Variants in SLC35F4 observed in about 807,000 individuals in gnomAD.
SLC35F4 encodes the protein chromosome 14 open reading frame 36.
In SLC35F4, 24 loss-of-function variants were observed where a neutral mutation model predicts 44.2. That is an observed-to-expected ratio of 0.54 (90% confidence interval 0.39 to 0.76). SLC35F4 has a LOEUF of 0.76. SLC35F4 is among the 30% of genes least tolerant of loss of function. The probability of loss-of-function intolerance (pLI) is 0.00; values close to 1 mark genes in which losing one functional copy is unlikely to be tolerated. For synonymous variants in SLC35F4, 238 were observed against 223.6 expected (o/e 1.06, Z -0.57); for missense variants, 562 against 586.1 (o/e 0.96, Z 0.42).
intron 1 of SLC35F4, among the ~76,000 whole-genome samples, chr14:57,943,587 C>T (rs899684092): frequency 3.3e-5 from 5 of 152,130 alleles, no homozygotes; most frequent in South Asian, 4.2e-4. Flanking sequence ...TGGTTACTGC[C>T]GAGTGTCATG....
intron 1 of SLC35F4, among the ~76,000 whole-genome samples, chr14:57,662,102 C>T (rs1453921036): frequency 6.6e-6 from 1 of 152,188 alleles, no homozygotes; most frequent in East Asian, 1.9e-4. Context: ...TTGCTGCCAC[C>T]ATTCACTCTA....
intron 1 of SLC35F4, among the ~76,000 whole-genome samples, chr14:57,969,486 C>T (rs893209075): frequency 6.6e-6 from 1 of 152,006 alleles, no homozygotes; most frequent in East Asian, 1.9e-4. Flanking sequence ...TTTAAGTGTA[C>T]CTACATTCCT....
intron 1 of SLC35F4, among the ~76,000 whole-genome samples, chr14:57,703,493 T>C (rs980495575): frequency 1.3e-5 from 2 of 152,156 alleles, no homozygotes; most frequent in African/African-American, 4.8e-5. Context: ...ACCTACGCTG[T>C]CCAAAGGGCT....
intron 1 of SLC35F4, among the ~76,000 whole-genome samples, chr14:57,638,850 T>C (rs1032761496): frequency 1.3e-5 from 2 of 151,934 alleles, no homozygotes; most frequent in Non-Finnish European, 2.9e-5. Flanking sequence ...AGGTCAGAGG[T>C]CCCCTATCAA....
chr14:57,644,965 G>C (rs1222170865), intron 1 of SLC35F4, among the ~76,000 whole-genome samples: 1 of 152,140 alleles, frequency 6.6e-6, no homozygotes, highest in Non-Finnish European at 1.5e-5. Flanking sequence ...GCTCTGTTTT[G>C]TTCCATTGGT....
rs939708364 is a variant in SLC35F4 at position 57,833,780 on chromosome 14, C to A, written c.103+31943G>T. Among the ~76,000 whole-genome samples the A allele has an allele frequency of 2.0e-5, 3 of 152,188 alleles. No homozygotes were observed. In the East Asian group the frequency reaches 5.8e-4, roughly 29 times the overall value. On this transcript the variant is annotated intron_variant, in intron 1 of 7. Transcript: ENST00000556826. ...GTAGCTGTTGGCATATTTAAATATA[C>A]CATGGAGACTGCAACTTTAGTGCAT... is the stretch of plus-strand genomic sequence containing the variant.
At chr14:57,938,552 C>T (rs1208496353) in intron 1 of SLC35F4, among the ~76,000 whole-genome samples, 1 of 152,196 alleles carries the variant, frequency 6.6e-6, no homozygotes, top group Non-Finnish European at 1.5e-5. Flanking sequence ...GAATTATTGT[C>T]ACATAAATGC....
chr14:57,881,761 G>C (rs73294889), intron 1 of SLC35F4, among the ~76,000 whole-genome samples: 5,346 of 152,002 alleles, frequency 0.035, 323 homozygotes, highest in African/African-American at 0.12. Flanking sequence ...TCTCCTTCTT[G>C]AACCCCTACT....
chr14:57,960,295 AGT>A (rs1890315062), intron 1 of SLC35F4, among the ~76,000 whole-genome samples: 1 of 152,130 alleles, frequency 6.6e-6, no homozygotes, highest in Admixed American at 6.5e-5. Flanking sequence ...AAGAAGGACC[AGT>A]GGCCTGGGAG....
intron 1 of SLC35F4, among the ~76,000 whole-genome samples, chr14:57,926,028 A>G (rs1889562694): frequency 6.6e-6 from 1 of 152,168 alleles, no homozygotes; most frequent in African/African-American, 2.4e-5. Context: ...ATGTGGGCAC[A>G]TTTTTTAGTA....
intron 1 of SLC35F4, among the ~76,000 whole-genome samples, chr14:57,940,478 C>A (rs948345767): frequency 6.6e-6 from 1 of 152,072 alleles, no homozygotes; most frequent in Non-Finnish European, 1.5e-5. Context: ...GCACTTTTGC[C>A]TCTCTTATCT....
intron 1 of SLC35F4, among the ~76,000 whole-genome samples, chr14:57,937,099 C>T (rs1289816935): frequency 1.4e-5 from 2 of 145,850 alleles, no homozygotes; most frequent in Admixed American, 1.4e-4. Context: ...TAGAGTTTCA[C>T]TCTTGTCACC....
At chr14:57,795,666 A>G (rs998411575) in intron 1 of SLC35F4, among the ~76,000 whole-genome samples, 1 of 152,202 alleles carries the variant, frequency 6.6e-6, no homozygotes, top group Non-Finnish European at 1.5e-5. Flanking sequence ...AAAATAACAC[A>G]TGGAAATATA....
At chr14:57,963,891 T>A (rs1000598716) in intron 1 of SLC35F4, among the ~76,000 whole-genome samples, 2 of 151,878 alleles carry the variant, frequency 1.3e-5, no homozygotes, top group African/African-American at 2.4e-5. Context: ...CTCGGCTAAT[T>A]TTTTAATTTT....
intron 1 of SLC35F4, among the ~76,000 whole-genome samples, chr14:57,843,809 A>G (rs1873838790): frequency 6.6e-6 from 1 of 152,158 alleles, no homozygotes; most frequent in South Asian, 2.1e-4. Flanking sequence ...ATCCCCAAAC[A>G]ATTTTAATAT....
intron 1 of SLC35F4, among the ~76,000 whole-genome samples, chr14:57,891,398 T>A (rs1026841964): frequency 6.6e-6 from 1 of 152,122 alleles, no homozygotes; most frequent in African/African-American, 2.4e-5. Context: ...TGTGCCTGTA[T>A]CTCAGCTACT....
chr14:57,575,229 G>A (rs2068720166), intron 4 of SLC35F4, among the ~76,000 whole-genome samples: 2 of 152,174 alleles, frequency 1.3e-5, no homozygotes, highest in South Asian at 2.1e-4. Flanking sequence ...TGTAATTCCA[G>A]CACTTTGGGA....
At chr14:57,704,838 T>C (rs1566780122) in intron 1 of SLC35F4, among the ~76,000 whole-genome samples, 1 of 152,150 alleles carries the variant, frequency 6.6e-6, no homozygotes, top group Non-Finnish European at 1.5e-5. Flanking sequence ...CTGTAATCAC[T>C]CCTTTCCTAG....
intron 1 of SLC35F4, among the ~76,000 whole-genome samples, chr14:57,644,953 G>A (rs2073430993): frequency 2.0e-5 from 3 of 152,284 alleles, no homozygotes; most frequent in Middle Eastern, 6.8e-3. Flanking sequence ...TTATTTCTGA[G>A]AGCTCTGTTT....
Sources: allele counts gnomAD v4.1 joint callset (sites outside exome capture counted in the v4.1 genomes callset), GRCh38; gene constraint gnomAD v4.1.1; transcripts MANE v1.5; gene names NCBI Gene and HGNC (gene_info 2026-07-23, HGNC 2026-07-21).